The following USP25 variants were observed in gnomAD, a reference collection of about 807,000 sequenced individuals.
The protein encoded by USP25 is ubiquitin carboxyl-terminal hydrolase 25.
USP25 carries 85 observed loss-of-function variants against 158.5 expected under a neutral mutation model. That is an observed-to-expected ratio of 0.54 (90% confidence interval 0.45 to 0.64). The LOEUF (loss-of-function observed/expected upper bound fraction) is 0.64. Ranked by LOEUF, USP25 falls within the 30% of genes least tolerant of loss-of-function variation. USP25 has a pLI of 0.00. For synonymous variants in USP25, 464 were observed against 460.4 expected, an observed-to-expected ratio of 1.01 and a Z score of -0.10; for missense variants, 1,242 against 1,327.3, an observed-to-expected ratio of 0.94 and a Z score of 1.00.
At chr21:15,764,714 C>T (rs1311781965) in intron 2 of USP25, among the ~76,000 whole-genome samples, 13 of 152,130 alleles carry the variant, frequency 8.5e-5, no homozygotes, top group African/African-American at 1.2e-4. Flanking sequence ...ATCATTATTG[C>T]GCTTTATTTT....
At chr21:15,778,078 A>C (rs1486187400) in intron 4 of USP25, 51 bp downstream of exon 4, 20 of 1,444,726 alleles carry the variant, frequency 1.4e-5, no homozygotes, top group Non-Finnish European at 1.7e-5. Context: ...AAAAATAGAA[A>C]TCATTAATTG....
chr21:15,870,718 T>C (rs1004937231), intron 23 of USP25, among the ~76,000 whole-genome samples: 4 of 152,238 alleles, frequency 2.6e-5, no homozygotes, highest in African/African-American at 9.6e-5. Flanking sequence ...GAACATTAAC[T>C]TCCCTAGTGA....
intron 6 of USP25, among the ~76,000 whole-genome samples, chr21:15,804,437 CTT>C (rs1004402654): frequency 6.6e-5 from 10 of 150,982 alleles, no homozygotes; most frequent in Admixed American, 5.3e-4. Context: ...TGTTCGATAA[CTT>C]TAGATATAAA....
intron 3 of USP25, chr21:15,773,351 G>C (rs185173451): frequency 2.0e-5 from 3 of 152,708 alleles, no homozygotes; most frequent in Admixed American, 6.5e-5. Flanking sequence ...CCAAGTTGGG[G>C]GCGGGGGCAA....
rs1784491567 is a variant in USP25 at position 15,826,073 on chromosome 21, G to T, written c.1305-131G>T. 9.5e-7 allele frequency: 1 copy of T among 1,048,136 alleles called. No homozygotes were observed. The highest frequency in any genetic ancestry group is 1.3e-6 in the Non-Finnish European group (1 of 743,526). 64.9% of individuals were successfully genotyped at this position (1,048,136 alleles called of 1,614,324 possible). ...GTGTATATTCAGTTTTACCATCTTC[G>T]TTTTAAAGCAAATGAATTTTATTGC... is the stretch of plus-strand genomic sequence containing the variant. On this transcript the variant is annotated intron_variant, in intron 12 of 25. Transcript: ENST00000400183. The surrounding 1 kb of genome is among the most constrained non-coding windows in gnomAD (Gnocchi z 4.8).
intron 5 of USP25, among the ~76,000 whole-genome samples, chr21:15,793,404 A>G (rs1328999408): frequency 6.8e-6 from 1 of 146,294 alleles, no homozygotes; most frequent in Admixed American, 6.7e-5. Context: ...ATCTGTTTCT[A>G]CCCTAAGTTT....
chr21:15,796,016 A>G (rs1467141325), intron 5 of USP25, among the ~76,000 whole-genome samples: 5 of 151,474 alleles, frequency 3.3e-5, no homozygotes, highest in Non-Finnish European at 7.4e-5. Context: ...CTTATCCCCC[A>G]TTATGTCTTT....
chr21:15,793,166 T>C (rs935630523), intron 5 of USP25, among the ~76,000 whole-genome samples: 1 of 151,676 alleles, frequency 6.6e-6, no homozygotes, highest in Non-Finnish European at 1.5e-5. Flanking sequence ...AGCACTATTA[T>C]GGCAAATACA....
chr21:15,869,403 C>T (rs2039793178), intron 22 of USP25, among the ~76,000 whole-genome samples: 1 of 151,736 alleles, frequency 6.6e-6, no homozygotes, highest in African/African-American at 2.4e-5. Context: ...AGTTATTTTT[C>T]TTGAGTCAAT....
At chr21:15,856,131 A>C (rs571786813) in intron 20 of USP25, among the ~76,000 whole-genome samples, 1 of 152,348 alleles carries the variant, frequency 6.6e-6, no homozygotes, top group South Asian at 2.1e-4. Context: ...TGATGGACTG[A>C]GTTCCTACCT....
chr21:15,855,179 T>G (rs184649498), intron 20 of USP25, among the ~76,000 whole-genome samples: 48 of 152,274 alleles, frequency 3.2e-4, no homozygotes, highest in African/African-American at 1.1e-3. Flanking sequence ...TTGTAAAAAT[T>G]TTGTCGGTAT....
chr21:15,833,282 A>G (rs1372165666), intron 16 of USP25, 66 bp from the exon 17 acceptor site: 8 of 1,450,176 alleles, frequency 5.5e-6, no homozygotes, highest in East Asian at 2.3e-5. Context: ...AATGCAGTCT[A>G]TTTTGAGCTT....
At chr21:15,844,018 T>C (rs1167733547) in intron 18 of USP25, among the ~76,000 whole-genome samples, 1 of 152,154 alleles carries the variant, frequency 6.6e-6, no homozygotes, top group African/African-American at 2.4e-5. Context: ...TCTTATAAGG[T>C]AGCAACCTAC....
chr21:15,750,744 C>G (rs905497110), intron 1 of USP25, among the ~76,000 whole-genome samples: 1 of 151,806 alleles, frequency 6.6e-6, no homozygotes, highest in African/African-American at 2.4e-5. Flanking sequence ...GTAGCTGGGA[C>G]TACAGGTGCC....
intron 17 of USP25, 26 bp from the exon 18 acceptor site, chr21:15,842,372 A>G (rs780692546): frequency 6.2e-7 from 1 of 1,609,822 alleles, no homozygotes; most frequent in Non-Finnish European, 8.5e-7. Flanking sequence ...TATATTAGAT[A>G]TATAATTGAT....
intron 20 of USP25, 94 bp from the exon 21 acceptor site, chr21:15,864,174 A>C (rs930261412): frequency 8.3e-7 from 1 of 1,208,696 alleles, no homozygotes; most frequent in East Asian, 2.8e-5. Context: ...AAAAAAAAAG[A>C]TTTAAATGCA....
chr21:15,780,486 G>A (rs2034903353), intron 4 of USP25, among the ~76,000 whole-genome samples: 1 of 152,110 alleles, frequency 6.6e-6, no homozygotes, highest in Admixed American at 6.5e-5. Flanking sequence ...CATATTTCTT[G>A]TGAAAATGGC....
intron 24 of USP25, chr21:15,876,374 G>A (rs1035177924): frequency 1.1e-4 from 16 of 152,060 alleles, no homozygotes; most frequent in African/African-American, 3.6e-4. Context: ...ATCTGTTCAC[G>A]ATTGGTGTAT....
intron 7 of USP25, among the ~76,000 whole-genome samples, chr21:15,808,145 G>GT (rs2036484118): frequency 6.6e-6 from 1 of 152,114 alleles, no homozygotes; most frequent in African/African-American, 2.4e-5. Flanking sequence ...TTGATTTATT[G>GT]TTTTTCCCTT....
Sources: gnomAD v4.1 joint callset for allele counts (sites outside exome capture counted in the v4.1 genomes callset) on GRCh38, gnomAD v4.1.1 for gene constraint, Gnocchi (gnomAD v3.1) non-coding constraint, MANE v1.5 for transcripts, NCBI Gene and HGNC (gene_info 2026-07-23, HGNC 2026-07-21) for gene names.